MACROD2: variants seen among roughly 807,000 people sequenced by gnomAD.
MACROD2 encodes ADP-ribose glycohydrolase MACROD2.
A neutral mutation model predicts 70.4 loss-of-function variants in MACROD2; 36 were observed. That is an observed-to-expected ratio of 0.51 (90% confidence interval 0.39 to 0.68). The LOEUF is 0.68. MACROD2 is among the 30% of genes least tolerant of loss of function. The pLI, the probability that MACROD2 is intolerant of heterozygous loss-of-function variation, is 0.00. For missense variants in MACROD2, 496 were observed against 538.4 expected (o/e 0.92, Z 0.78); for synonymous variants, 172 against 178.8 (o/e 0.96, Z 0.30).
chr20:15,922,485 T>C (rs761170793), intron 10 of MACROD2, among the ~76,000 whole-genome samples: 17 of 152,230 alleles, frequency 1.1e-4, no homozygotes, highest in Non-Finnish European at 2.5e-4. Flanking sequence ...CACATCTCAA[T>C]GTGGACTTGC....
intron 5 of MACROD2, among the ~76,000 whole-genome samples, chr20:14,940,199 T>C (rs1600852128): frequency 7.0e-6 from 1 of 143,596 alleles, no homozygotes; most frequent in East Asian, 2.0e-4. Context: ...CTGGGTGTGG[T>C]GGCACATGCC....
At chr20:14,179,325 G>A (rs2081288796) in intron 3 of MACROD2, among the ~76,000 whole-genome samples, 1 of 152,174 alleles carries the variant, frequency 6.6e-6, no homozygotes, top group South Asian at 2.1e-4. Context: ...ACTGAAAGTA[G>A]ATAGCTAGTA....
chr20:15,986,886 G>A (rs1243658780), intron 14 of MACROD2, 85 bp downstream of exon 14: 2 of 977,886 alleles, frequency 2.0e-6, no homozygotes, highest in Admixed American at 2.1e-5. Flanking sequence ...TGTGTGCGTG[G>A]TGTGTGTGTG....
At chr20:14,804,420 A>G (rs1436636798) in intron 5 of MACROD2, among the ~76,000 whole-genome samples, 1 of 152,162 alleles carries the variant, frequency 6.6e-6, no homozygotes, top group East Asian at 1.9e-4. Context: ...TTTTCTCAGC[A>G]TCTAGACAAA....
At chr20:14,051,248 A>C (rs1364166060) in intron 2 of MACROD2, among the ~76,000 whole-genome samples, 1 of 152,232 alleles carries the variant, frequency 6.6e-6, no homozygotes, top group African/African-American at 2.4e-5. Context: ...TTTGAAAGGA[A>C]CATTTTTATT....
chr20:16,001,357 T>C (rs899325378), intron 15 of MACROD2, among the ~76,000 whole-genome samples: 3 of 152,228 alleles, frequency 2.0e-5, no homozygotes, highest in Non-Finnish European at 4.4e-5. Flanking sequence ...TGACATCTGC[T>C]GCAATGATTA....
In MACROD2 at chr20:14,326,388, T is replaced by A. The variant is rs2082735881; in HGVS notation, c.272-167091T>A. 6.2e-7 allele frequency: 1 copy of A among 1,613,924 alleles called. No homozygotes were observed. The highest frequency in any genetic ancestry group is 2.2e-5 in the East Asian group (1 of 44,858). ...GCCACTGTCCTTGGGCAGGATACAC[T>A]GTGTTGGGTATTGCAGTGGTTATCT... On this transcript the variant is annotated intron_variant, in intron 3 of 17. Coordinates refer to ENST00000684519, the MANE Select transcript of MACROD2 (RefSeq NM_001351661.2). This position sits in a 1 kb window ranked among gnomAD's most constrained non-coding sequence, Gnocchi z 5.5.
intron 6 of MACROD2, among the ~76,000 whole-genome samples, chr20:15,338,556 T>G (rs900936014): frequency 4.0e-5 from 6 of 151,754 alleles, no homozygotes; most frequent in African/African-American, 1.5e-4. Context: ...CTGACATTTA[T>G]CTGGGCCTTA....
At chr20:14,944,681 G>A (rs1226103090) in intron 5 of MACROD2, among the ~76,000 whole-genome samples, 1 of 152,176 alleles carries the variant, frequency 6.6e-6, no homozygotes, top group Non-Finnish European at 1.5e-5. Context: ...GCAGCTGAAT[G>A]TGTGGGCAGA....
chr20:15,604,279 T>G (rs984256995), intron 8 of MACROD2, among the ~76,000 whole-genome samples: 1 of 152,244 alleles, frequency 6.6e-6, no homozygotes, highest in Admixed American at 6.5e-5. Flanking sequence ...TCTTTTCTCC[T>G]TCCTCCCTCT....
At chr20:15,088,421 AT>A (rs2075766774) in intron 5 of MACROD2, among the ~76,000 whole-genome samples, 2 of 35,052 alleles carry the variant, frequency 5.7e-5, no homozygotes, top group Non-Finnish European at 9.9e-5. Flanking sequence ...ATATATATAT[AT>A]ATATATATAT....
At chr20:15,169,477 G>A (rs2076408279) in intron 5 of MACROD2, among the ~76,000 whole-genome samples, 1 of 152,056 alleles carries the variant, frequency 6.6e-6, no homozygotes, top group Non-Finnish European at 1.5e-5. Context: ...AGGGGCCACC[G>A]TTTTTCTTGA....
At chr20:14,528,111 CT>C (rs5840621) in intron 4 of MACROD2, among the ~76,000 whole-genome samples, 167 of 141,606 alleles carry the variant, frequency 1.2e-3, no homozygotes, top group African/African-American at 1.8e-3. Flanking sequence ...ACTGTCTACA[CT>C]TTTTTTTTTT....
At chr20:14,682,965 C>T (rs1185961731) in intron 4 of MACROD2, among the ~76,000 whole-genome samples, 14 of 152,040 alleles carry the variant, frequency 9.2e-5, no homozygotes, top group Admixed American at 6.6e-4. Context: ...CTGCAACCTC[C>T]GCCTCCTAGG....
chr20:15,109,891 G>A (rs925850912), intron 5 of MACROD2, among the ~76,000 whole-genome samples: 10 of 151,784 alleles, frequency 6.6e-5, no homozygotes, highest in Non-Finnish European at 1.3e-4. Flanking sequence ...AAGCCTTCTC[G>A]TTCTCTGGGA....
At chr20:15,533,515 C>T (rs1445528681) in intron 8 of MACROD2, among the ~76,000 whole-genome samples, 1 of 151,604 alleles carries the variant, frequency 6.6e-6, no homozygotes, top group Non-Finnish European at 1.5e-5. Context: ...TAGAGATCAT[C>T]TATCCAACTT....
At chr20:14,558,884 T>A (rs905008528) in intron 4 of MACROD2, among the ~76,000 whole-genome samples, 3 of 151,676 alleles carry the variant, frequency 2.0e-5, no homozygotes, top group African/African-American at 2.4e-5. Context: ...TGTATGTGTG[T>A]ATTTATACCA....
Position 14,789,460 on chromosome 20 carries a change from A to ATTTTTTTTTTTTTTTTTTT in MACROD2, c.418+104515_418+104533dup, listed in dbSNP as rs3045609. On this transcript the variant is annotated intron_variant, in intron 5 of 17. Coordinates refer to ENST00000684519, the MANE Select transcript of MACROD2 (RefSeq NM_001351661.2). ...CTTGTGGATTAATCAGGTAGTGCAA[A>ATTTTTTTTTTTTTTTTTTT]TTTTTTTTTTTTTTTTTTTTTTTTT... Among the ~76,000 whole-genome samples, 20 of 48,358 alleles carry ATTTTTTTTTTTTTTTTTTT rather than the reference A, an allele frequency of 4.1e-4. 2 individuals carry two copies. Among genetic ancestry groups the ATTTTTTTTTTTTTTTTTTT allele is most frequent in the East Asian group, 6.8e-4 (1 of 1,474 alleles). The allele number at this position is 48,358 out of a possible 152,430, so 31.7% of individuals were successfully genotyped here. A position where few individuals can be genotyped will look rare whatever the true frequency, so the allele number is the denominator to read the frequency against.
chr20:14,592,833 A>T (rs999750056), intron 4 of MACROD2, among the ~76,000 whole-genome samples: 12 of 152,188 alleles, frequency 7.9e-5, no homozygotes, highest in Non-Finnish European at 1.5e-4. Flanking sequence ...AATATTTTAC[A>T]TATTTAGATG....
Sources: allele counts gnomAD v4.1 joint callset (sites outside exome capture counted in the v4.1 genomes callset), GRCh38; gene constraint gnomAD v4.1.1; non-coding constraint Gnocchi (gnomAD v3.1); transcripts MANE v1.5; gene names NCBI Gene and HGNC (gene_info 2026-07-23, HGNC 2026-07-21).